MLXIP: variants seen among roughly 807,000 people sequenced by gnomAD.
The protein encoded by MLXIP is MLX interacting protein.
MLXIP carries 30 observed loss-of-function variants against 87.2 expected under a neutral mutation model. The ratio of observed to expected loss-of-function variants is 0.34; its 90% CI spans 0.26 to 0.47. The LOEUF (loss-of-function observed/expected upper bound fraction) is 0.47. MLXIP is among the 20% of genes least tolerant of loss of function. The pLI is 1.00. For missense variants in MLXIP, 1,002 were observed against 1,240.1 expected, an observed-to-expected ratio of 0.81 and a Z score of 2.88; for synonymous variants, 530 against 514.0, an observed-to-expected ratio of 1.03 and a Z score of -0.42.
intron 1 of MLXIP, among the ~76,000 whole-genome samples, chr12:122,097,679 C>T (rs138234801): frequency 1.8e-3 from 274 of 152,098 alleles, no homozygotes; most frequent in South Asian, 4.2e-3. Flanking sequence ...GGCCGGTGTC[C>T]CCACACTGCC....
intron 1 of MLXIP, among the ~76,000 whole-genome samples, chr12:122,107,467 G>A (rs1356134612): frequency 1.3e-5 from 2 of 151,134 alleles, no homozygotes; most frequent in Non-Finnish European, 2.9e-5. Context: ...GGCTTTAATT[G>A]TGCGGTTCCC....
At position 122,142,306 on chromosome 12, in the gene MLXIP, T is replaced by A; in HGVS notation, c.*494T>A. On this transcript the variant is annotated 3_prime_UTR_variant, in exon 17 of 17. Transcript: ENST00000319080. ...GGCAGTTGGAAGGCGTCTTTCTTTC[T>A]CCCCTCAACTCTGACAGCACCCAGC... The A allele has an allele frequency of 1.5e-6, 1 of 660,380 alleles. No homozygotes were observed. The highest frequency in any genetic ancestry group is 2.8e-6 in the Non-Finnish European group (1 of 357,964). The allele number at this position is 660,380 out of a possible 1,614,324, so 40.9% of individuals were successfully genotyped here.
Position 122,133,232 on chromosome 12 carries a change from C to T in MLXIP, c.1093-116C>T. 8.3e-7 allele frequency: 1 copy of T among 1,211,914 alleles called. No homozygotes were observed. Among genetic ancestry groups the T allele is most frequent in the South Asian group, 1.6e-5 (1 of 64,136 alleles). The allele number at this position is 1,211,914 out of a possible 1,614,324, so 75.1% of individuals were successfully genotyped here. ...AGCAGCCATGGACGTGGAGACGTGGCCTTTGTCCCTCTGTCCCAGCGCCCG... is the reference window on the plus strand; with the variant it reads ...AGCAGCCATGGACGTGGAGACGTGGTCTTTGTCCCTCTGTCCCAGCGCCCG... On this transcript the variant is annotated intron_variant, in intron 8 of 16. Coordinates refer to ENST00000319080, the MANE Select transcript of MLXIP (RefSeq NM_014938.6). This position sits in a 1 kb window ranked among gnomAD's most constrained non-coding sequence, Gnocchi z 4.9.
At chr12:122,095,154 T>C (rs1245917390) in intron 1 of MLXIP, among the ~76,000 whole-genome samples, 1 of 103,406 alleles carries the variant, frequency 9.7e-6, no homozygotes, top group Middle Eastern at 4.3e-3. Context: ...GTGTGCGGTG[T>C]GGTGGTGTGT....
At chr12:122,119,194 CA>C (rs1414518922) in intron 1 of MLXIP, among the ~76,000 whole-genome samples, 1 of 146,272 alleles carries the variant, frequency 6.8e-6, no homozygotes, top group Non-Finnish European at 1.5e-5. Flanking sequence ...CAAAACAAAA[CA>C]AAACAAACAA....
chr12:122,129,531 C>T, intron 4 of MLXIP, 57 bp from the exon 5 acceptor site: 1 of 1,594,226 alleles, frequency 6.3e-7, no homozygotes, highest in Non-Finnish European at 8.6e-7. Context: ...TATTCTAGAG[C>T]CCTTGGGCCC....
chr12:122,097,704 T>G (rs1429074663), intron 1 of MLXIP, among the ~76,000 whole-genome samples: 4 of 152,140 alleles, frequency 2.6e-5, no homozygotes, highest in Non-Finnish European at 5.9e-5. Context: ...ATCCCCCTGC[T>G]GTGTTCTTGC....
chr12:122,108,348 A>T (rs1952552994), intron 1 of MLXIP, among the ~76,000 whole-genome samples: 1 of 144,376 alleles, frequency 6.9e-6, no homozygotes, highest in South Asian at 2.2e-4. Context: ...TAGCCTGGCG[A>T]CAGAGCGAGA....
rs1224302321 is a variant in MLXIP, at chr12:122,136,459, C to CAAAAAAAAAA, written c.2032+807_2032+816dup. 3.4e-3 allele frequency: 93 copies of CAAAAAAAAAA among 27,662 alleles called. 1 individual carries two copies. Among genetic ancestry groups the CAAAAAAAAAA allele is most frequent in the Middle Eastern group, 0.025 (1 of 40 alleles). 1.7% of individuals were successfully genotyped at this position (27,662 alleles called of 1,614,324 possible). ...GAAACCTTGTCCCTATCAAAAAATG[C>CAAAAAAAAAA]AAAAAAAAAAAAAAAAAAAAAAAGC... On this transcript the variant is annotated intron_variant, in intron 11 of 16. Transcript: ENST00000319080.
In MLXIP at chr12:122,133,447, G is replaced by A; in HGVS notation, c.1192G>A (p.Gly398Ser). 1.2e-6 allele frequency: 2 copies of A among 1,613,064 alleles called. No individual in the cohort carries two copies. The highest frequency in any genetic ancestry group is 1.7e-6 in the Non-Finnish European group (2 of 1,179,720). ...ATCCCTGGCTCACATGGATGAGCAGGGCTGTGAACACACCTCCCGGACTGA... is the reference window on the plus strand; with the variant it reads ...ATCCCTGGCTCACATGGATGAGCAGAGCTGTGAACACACCTCCCGGACTGA... ...APSLAHMDEQ[G>S]CEHTSRTEDP... The change falls in exon 9 of 17, where the codon GGC becomes AGC. Residue 398 changes from glycine to serine, a missense_variant. By Grantham distance (56) the Gly-to-Ser change is moderately conservative. This residue lies in a region of MLXIP where 746 missense variants were observed against 897.0 expected (regional missense o/e 0.83). Transcript: ENST00000319080. This position sits in a 1 kb window ranked among gnomAD's most constrained non-coding sequence, Gnocchi z 4.9.
chr12:122,109,259 G>A (rs1952566578), intron 1 of MLXIP, among the ~76,000 whole-genome samples: 1 of 152,214 alleles, frequency 6.6e-6, no homozygotes, highest in African/African-American at 2.4e-5. Flanking sequence ...AGTAGTGACG[G>A]GGTTGCACTG....
intron 1 of MLXIP, among the ~76,000 whole-genome samples, chr12:122,122,783 G>A (rs568993554): frequency 6.6e-6 from 1 of 151,926 alleles, no homozygotes; most frequent in Admixed American, 6.6e-5. Context: ...TCTTGACCTC[G>A]TGATACACCC....
Position 122,137,518 on chromosome 12 carries a change from G to C in MLXIP, c.2082G>C (p.Gln694His). 1 of 1,614,030 alleles carries C rather than the reference G, an allele frequency of 6.2e-7. No homozygotes were observed. The highest frequency in any genetic ancestry group is 8.5e-7 in the Non-Finnish European group (1 of 1,179,896). The part of the protein sequence containing the change: ...SGQASPCASE[Q>H]SPSPQSPQNN... Reference sequence around the variant, plus strand: ...AGGCCTCTCCGTGTGCATCGGAGCAGAGCCCCAGTCCTCAATCTCCCCAGA... The same window carrying C: ...AGGCCTCTCCGTGTGCATCGGAGCACAGCCCCAGTCCTCAATCTCCCCAGA... The change falls in exon 12 of 17, where the codon CAG becomes CAC. Residue 694 changes from glutamine (Q) to histidine (H), a missense_variant. Around this residue, in one of 3 missense-constraint regions of MLXIP, gnomAD observed 746 missense variants for 897.0 expected, o/e 0.83. Coordinates refer to ENST00000319080, the MANE Select transcript of MLXIP (RefSeq NM_014938.6). This position sits in a 1 kb window ranked among gnomAD's most constrained non-coding sequence, Gnocchi z 4.1.
chr12:122,093,318 TGGAATGTGTTTGC>T, intron 1 of MLXIP, among the ~76,000 whole-genome samples: 1 of 142,524 alleles, frequency 7.0e-6, no homozygotes, highest in East Asian at 2.2e-4. Flanking sequence ...TGTGGGTGCG[TGGAATGTGTTTGC>T]AGTGTCTGTG....
At position 122,141,672 on chromosome 12, in the gene MLXIP, G is replaced by T; in HGVS notation, c.2639-19G>T. ...TGGGTCTGTGTCACTGCCTGTGTCTGACCCTTTCTGTCTTGCAGTGGTATT... is the reference window on the plus strand; with the variant it reads ...TGGGTCTGTGTCACTGCCTGTGTCTTACCCTTTCTGTCTTGCAGTGGTATT... On this transcript the variant is annotated intron_variant, in intron 16 of 16. Transcript: ENST00000319080. The T allele has an allele frequency of 6.2e-7, 1 of 1,612,524 alleles. No individual in the cohort carries two copies. Among genetic ancestry groups the T allele is most frequent in the South Asian group, 1.1e-5 (1 of 90,810 alleles).
At chr12:122,121,012 T>TTTTTG (rs1952773469) in intron 1 of MLXIP, among the ~76,000 whole-genome samples, 1 of 89,306 alleles carries the variant, frequency 1.1e-5, no homozygotes, top group Non-Finnish European at 2.7e-5. Context: ...CATGCTTGGT[T>TTTTTG]TTTTTTTTTT....
Position 122,078,896 on chromosome 12 carries a change from A to G in MLXIP, c.43A>G (p.Ser15Gly). 1 of 1,143,770 alleles carries G rather than the reference A, an allele frequency of 8.7e-7. No homozygotes were observed. 70.9% of individuals were successfully genotyped at this position (1,143,770 alleles called of 1,614,324 possible). The stretch of plus-strand genomic sequence containing the variant: ...CATGTGCTCCCCGCGCCGGCCTCGC[A>G]GCCGGGGCCGCCAGGTGCTGCTCAA... Reference protein sequence around the residue: ...VFMCSPRRPRSRGRQVLLKPQ... With the variant: ...VFMCSPRRPRGRGRQVLLKPQ... Residue 15 changes from serine (S) to glycine (G), a missense_variant, in exon 1 of 17, where the codon AGC becomes GGC. Around this residue, in one of 3 missense-constraint regions of MLXIP, gnomAD observed 129 missense variants for 104.2 expected, o/e 1.24. Coordinates refer to ENST00000319080, the MANE Select transcript of MLXIP (RefSeq NM_014938.6).
intron 15 of MLXIP, chr12:122,140,712 G>T: frequency 3.3e-6 from 2 of 607,928 alleles, no homozygotes; most frequent in Admixed American, 2.3e-5. Context: ...CTGTGTCCCT[G>T]TCCCCTGCCT....
At chr12:122,087,376 G>A (rs1952183795) in intron 1 of MLXIP, among the ~76,000 whole-genome samples, 1 of 152,122 alleles carries the variant, frequency 6.6e-6, no homozygotes, top group Non-Finnish European at 1.5e-5. Flanking sequence ...AGAAGATGAA[G>A]GCTAGAGAGT....
Sources: allele counts gnomAD v4.1 joint callset (sites outside exome capture counted in the v4.1 genomes callset), GRCh38; gene constraint gnomAD v4.1.1; regional missense constraint gnomAD v4.1.1; non-coding constraint Gnocchi (gnomAD v3.1); transcripts MANE v1.5; gene names NCBI Gene and HGNC (gene_info 2026-07-23, HGNC 2026-07-21).